The following SORCS3 variants were observed in gnomAD, a reference collection of about 807,000 sequenced individuals.
The protein encoded by SORCS3 is VPS10 domain-containing receptor SorCS3.
In SORCS3, 57 loss-of-function variants were observed where a neutral mutation model predicts 146.3. That is an observed-to-expected ratio of 0.39 (90% CI 0.31 to 0.49). SORCS3 has a LOEUF of 0.49. SORCS3 is among the 20% of genes least tolerant of loss of function. The pLI is 0.92. For synonymous variants in SORCS3, 653 were observed against 618.5 expected, an observed-to-expected ratio of 1.06 and a Z score of -0.83; for missense variants, 1,341 against 1,575.5, an observed-to-expected ratio of 0.85 and a Z score of 2.52.
intron 3 of SORCS3, among the ~76,000 whole-genome samples, chr10:104,976,283 T>A (rs1035610119): frequency 6.6e-6 from 1 of 152,122 alleles, no homozygotes; most frequent in Admixed American, 6.5e-5. Context: ...AAGGAGACAT[T>A]TATGCAGCCA....
At chr10:104,691,289 T>C (rs1046917790) in intron 1 of SORCS3, among the ~76,000 whole-genome samples, 1 of 151,998 alleles carries the variant, frequency 6.6e-6, no homozygotes, top group African/African-American at 2.4e-5. Flanking sequence ...GGGGTGAGGG[T>C]GGGAGGAAAA....
chr10:104,971,563 A>G (rs2054860746), intron 3 of SORCS3, among the ~76,000 whole-genome samples: 1 of 152,168 alleles, frequency 6.6e-6, no homozygotes, highest in Non-Finnish European at 1.5e-5. Context: ...TCTGGAGCTC[A>G]AGGTGCTTGT....
intron 2 of SORCS3, among the ~76,000 whole-genome samples, chr10:104,865,147 A>G (rs893891619): frequency 6.6e-6 from 1 of 152,104 alleles, no homozygotes; most frequent in Admixed American, 6.6e-5. Context: ...ACAGAGATTT[A>G]TTGAGAGAAG....
intron 4 of SORCS3, among the ~76,000 whole-genome samples, chr10:105,030,867 A>G (rs569193692): frequency 6.6e-6 from 1 of 151,590 alleles, no homozygotes; most frequent in South Asian, 2.1e-4. Context: ...TGTTGGGATT[A>G]CAGGTGTGAG....
At chr10:104,956,661 A>T (rs1297050870) in intron 3 of SORCS3, among the ~76,000 whole-genome samples, 1 of 151,912 alleles carries the variant, frequency 6.6e-6, no homozygotes, top group East Asian at 1.9e-4. Flanking sequence ...GAGTTAATAG[A>T]TGATGGAGGT....
intron 5 of SORCS3, among the ~76,000 whole-genome samples, chr10:105,074,138 G>C (rs790743): frequency 0.75 from 114,266 of 152,104 alleles, 43,076 homozygotes; most frequent in East Asian, 0.84. Context: ...CACAGAGTAG[G>C]TCATTCATAC....
chr10:104,854,346 T>C (rs531907073), intron 2 of SORCS3, among the ~76,000 whole-genome samples: 16 of 152,312 alleles, frequency 1.1e-4, no homozygotes, highest in African/African-American at 3.8e-4. Flanking sequence ...TGGGTGATTA[T>C]AGAAAATTGT....
chr10:105,194,811 C>T (rs948977979), intron 14 of SORCS3, among the ~76,000 whole-genome samples: 3 of 152,108 alleles, frequency 2.0e-5, no homozygotes, highest in African/African-American at 4.8e-5. Context: ...AAGTTGTTCT[C>T]AAAATACGGT....
chr10:105,246,325 T>G lies in SORCS3; in HGVS notation c.2992+660T>G, dbSNP rs78570276. Among the ~76,000 whole-genome samples the G allele has an allele frequency of 1.1e-3, 175 of 152,312 alleles. 9 individuals carry two copies. The East Asian group carries it at 0.032, about 28-fold the overall frequency. On this transcript the variant is annotated intron_variant, in intron 21 of 26. Transcript: ENST00000369701. ...CACTGTGGTTTTCTTTTCTTTTCTT[T>G]TTTTTTAGATTTTTCATTACTAGTT...
chr10:105,018,659 A>T (rs1174742), intron 4 of SORCS3, among the ~76,000 whole-genome samples: 80,651 of 152,088 alleles, frequency 0.53, 23,817 homozygotes, highest in African/African-American at 0.81. Flanking sequence ...TTGAAAACAA[A>T]ATATAGCAAT....
intron 4 of SORCS3, among the ~76,000 whole-genome samples, chr10:105,012,195 G>T (rs1404692895): frequency 6.6e-6 from 1 of 152,154 alleles, no homozygotes; most frequent in Non-Finnish European, 1.5e-5. Flanking sequence ...ACCCATACTT[G>T]TGTTTCCAAA....
At chr10:105,091,767 AT>A (rs1440902191) in intron 6 of SORCS3, among the ~76,000 whole-genome samples, 2 of 152,168 alleles carry the variant, frequency 1.3e-5, no homozygotes, top group African/African-American at 2.4e-5. Context: ...TCCAATTCTT[AT>A]GGCTGAGAAA....
chr10:104,830,499 C>T (rs576758054), intron 1 of SORCS3, among the ~76,000 whole-genome samples: 72 of 152,192 alleles, frequency 4.7e-4, no homozygotes, highest in African/African-American at 1.6e-3. Flanking sequence ...TACTGAGACC[C>T]ATCCCCATTG....
chr10:104,904,311 G>A (rs563082633), intron 2 of SORCS3, among the ~76,000 whole-genome samples: 59 of 152,260 alleles, frequency 3.9e-4, no homozygotes, highest in Non-Finnish European at 7.4e-4. Context: ...CAGTGAAACT[G>A]GTACTTTTAT....
chr10:104,664,354 AC>A (rs1370617410), intron 1 of SORCS3, among the ~76,000 whole-genome samples: 1 of 152,222 alleles, frequency 6.6e-6, no homozygotes, highest in African/African-American at 2.4e-5. Flanking sequence ...ATCATCCTTG[AC>A]GTGTAACACA....
intron 1 of SORCS3, among the ~76,000 whole-genome samples, chr10:104,833,849 C>T (rs1330523403): frequency 6.6e-6 from 1 of 152,166 alleles, no homozygotes; most frequent in Non-Finnish European, 1.5e-5. Context: ...TTGACTTCTC[C>T]ATTTGAATGT....
At chr10:104,764,037 G>A (rs1165689662) in intron 1 of SORCS3, among the ~76,000 whole-genome samples, 1 of 150,516 alleles carries the variant, frequency 6.6e-6, no homozygotes, top group Non-Finnish European at 1.5e-5. Flanking sequence ...CCAGTGGAAG[G>A]TACTGGTAAT....
chr10:105,176,434 T>A (rs1262415689), intron 13 of SORCS3, among the ~76,000 whole-genome samples: 2 of 151,958 alleles, frequency 1.3e-5, no homozygotes, highest in Admixed American at 6.6e-5. Context: ...ACACCTGTAG[T>A]TCTAGCTATT....
At chr10:105,227,482 G>A (rs1033888157) in intron 20 of SORCS3, among the ~76,000 whole-genome samples, 2 of 152,110 alleles carry the variant, frequency 1.3e-5, no homozygotes, top group African/African-American at 4.8e-5. Context: ...CGATCTTGGA[G>A]AATGTTCCAG....
Sources: allele counts gnomAD v4.1 joint callset (sites outside exome capture counted in the v4.1 genomes callset), GRCh38; gene constraint gnomAD v4.1.1; transcripts MANE v1.5; gene names NCBI Gene and HGNC (gene_info 2026-07-23, HGNC 2026-07-21).